The following NRXN1 variants were observed in gnomAD, a reference collection of about 807,000 sequenced individuals.
The protein encoded by NRXN1 is neurexin 1, also known as neurexin-1.
Under a neutral mutation model 150.9 loss-of-function variants are expected in NRXN1, and 39 were observed. That is an observed-to-expected ratio of 0.26 (90% confidence interval 0.20 to 0.34). NRXN1 has a LOEUF of 0.34. NRXN1 is among the 10% of genes least tolerant of loss of function. The probability of loss-of-function intolerance (pLI) is 1.00; values close to 1 mark genes in which losing one functional copy is unlikely to be tolerated. For synonymous variants in NRXN1, 924 were observed against 757.0 expected (o/e 1.22, Z -3.62); for missense variants, 1,815 against 1,949.9 (o/e 0.93, Z 1.30).
intron 5 of NRXN1, among the ~76,000 whole-genome samples, chr2:50,753,468 T>C (rs1185900429): frequency 2.6e-5 from 4 of 151,946 alleles, no homozygotes; most frequent in Admixed American, 6.6e-5. Context: ...CATGGCAGTC[T>C]ACAAATAACT....
intron 21 of NRXN1, among the ~76,000 whole-genome samples, chr2:50,014,560 T>A (rs7587669): frequency 0.46 from 70,172 of 151,916 alleles, 16,763 homozygotes; most frequent in Middle Eastern, 0.59. Context: ...TCTCCAGACA[T>A]TGCCAAATAC....
intron 21 of NRXN1, among the ~76,000 whole-genome samples, chr2:49,952,905 G>A (rs1674232860): frequency 6.6e-6 from 1 of 152,106 alleles, no homozygotes; most frequent in African/African-American, 2.4e-5. Flanking sequence ...ACATGGAAGT[G>A]ATCATTTATT....
intron 17 of NRXN1, among the ~76,000 whole-genome samples, chr2:50,272,649 A>G (rs1459794624): frequency 6.6e-6 from 1 of 152,162 alleles, no homozygotes; most frequent in African/African-American, 2.4e-5. Flanking sequence ...CTATGGCATA[A>G]ATAAAATCCA....
At chr2:50,654,027 TC>T (rs1256976151) in intron 5 of NRXN1, among the ~76,000 whole-genome samples, 4 of 151,286 alleles carry the variant, frequency 2.6e-5, no homozygotes, top group Non-Finnish European at 1.5e-5. Context: ...ATTTATTCAT[TC>T]TTTTTCTCTT....
intron 18 of NRXN1, among the ~76,000 whole-genome samples, chr2:50,143,253 A>G (rs1558966226): frequency 6.6e-6 from 1 of 151,932 alleles, no homozygotes; most frequent in Non-Finnish European, 1.5e-5. Flanking sequence ...ACATATACAA[A>G]TATGCAAAGG....
chr2:50,328,256 G>A (rs2076517891), intron 17 of NRXN1, among the ~76,000 whole-genome samples: 1 of 151,798 alleles, frequency 6.6e-6, no homozygotes, highest in Non-Finnish European at 1.5e-5. Flanking sequence ...TAGTGCTAGT[G>A]TATTTTATGT....
intron 5 of NRXN1, among the ~76,000 whole-genome samples, chr2:50,692,727 A>G (rs1692249897): frequency 6.6e-6 from 1 of 152,006 alleles, no homozygotes; most frequent in African/African-American, 2.4e-5. Flanking sequence ...CTTGGGTAGT[A>G]TGATTCACTC....
At chr2:50,355,181 G>A (rs147788648) in intron 17 of NRXN1, among the ~76,000 whole-genome samples, 1 of 151,000 alleles carries the variant, frequency 6.6e-6, no homozygotes, top group Non-Finnish European at 1.5e-5. Flanking sequence ...GATTCAAATT[G>A]AGTCTCTATC....
At chr2:50,530,868 G>T (rs2093082750) in intron 11 of NRXN1, among the ~76,000 whole-genome samples, 1 of 152,128 alleles carries the variant, frequency 6.6e-6, no homozygotes, top group Non-Finnish European at 1.5e-5. Context: ...TTATTTATCT[G>T]CAAGGATGTC....
intron 5 of NRXN1, among the ~76,000 whole-genome samples, chr2:50,865,657 A>ATTTTTT (rs1559368492): frequency 2.3e-4 from 9 of 39,896 alleles, no homozygotes; most frequent in Admixed American, 4.7e-4. Context: ...AGCATTTGAA[A>ATTTTTT]GTTTTTTTTT....
intron 5 of NRXN1, among the ~76,000 whole-genome samples, chr2:50,636,559 T>C (rs974218481): frequency 6.6e-6 from 1 of 152,200 alleles, no homozygotes; most frequent in Non-Finnish European, 1.5e-5. Context: ...GCTGTCAAAA[T>C]CAGGCAACAT....
At chr2:49,985,328 T>TCATTCACC (rs1320971335) in intron 21 of NRXN1, among the ~76,000 whole-genome samples, 12 of 152,148 alleles carry the variant, frequency 7.9e-5, no homozygotes, top group African/African-American at 2.4e-4. Flanking sequence ...TTGACATAAC[T>TCATTCACC]CATTCACCGT....
intron 17 of NRXN1, among the ~76,000 whole-genome samples, chr2:50,282,162 T>C (rs954763576): frequency 4.6e-5 from 7 of 152,132 alleles, no homozygotes; most frequent in Non-Finnish European, 4.4e-5. Flanking sequence ...GCAGAAGATG[T>C]GGCTGGAAAG....
intron 2 of NRXN1, among the ~76,000 whole-genome samples, chr2:50,990,758 G>A (rs1335521846): frequency 6.6e-6 from 1 of 151,952 alleles, no homozygotes; most frequent in Non-Finnish European, 1.5e-5. Context: ...TTTTCTCCCA[G>A]GAGCTGTTTC....
intron 18 of NRXN1, among the ~76,000 whole-genome samples, chr2:50,110,911 T>G (rs1194086955): frequency 1.3e-5 from 2 of 152,200 alleles, no homozygotes; most frequent in East Asian, 3.8e-4. Flanking sequence ...TAGAAAAAAA[T>G]CAAATAATGT....
chr2:50,987,893 T>C (rs17041160), intron 2 of NRXN1, among the ~76,000 whole-genome samples: 8,160 of 152,000 alleles, frequency 0.054, 486 homozygotes, highest in East Asian at 0.19. Flanking sequence ...ACAGAATTAC[T>C]TTTTTGGACG....
chr2:50,211,275 A>G (rs1490510405), intron 18 of NRXN1, among the ~76,000 whole-genome samples: 2 of 151,772 alleles, frequency 1.3e-5, no homozygotes, highest in Admixed American at 6.6e-5. Context: ...ACATGCACAC[A>G]TACATATACA....
chr2:50,876,642 G>A (rs1559381696), intron 5 of NRXN1, among the ~76,000 whole-genome samples: 3 of 151,794 alleles, frequency 2.0e-5, no homozygotes, highest in East Asian at 3.9e-4. Context: ...TCTCATTATG[G>A]TAAGAATCTG....
chr2:50,713,894 T>C (rs888803827), intron 5 of NRXN1, among the ~76,000 whole-genome samples: 2 of 152,200 alleles, frequency 1.3e-5, no homozygotes, highest in African/African-American at 2.4e-5. Context: ...ATGGGATTTT[T>C]ATATGTTTAT....
Sources: allele counts gnomAD v4.1 joint callset (sites outside exome capture counted in the v4.1 genomes callset), GRCh38; gene constraint gnomAD v4.1.1; transcripts MANE v1.5; gene names NCBI Gene and HGNC (gene_info 2026-07-23, HGNC 2026-07-21).